FAT3: variants seen among roughly 807,000 people sequenced by gnomAD.
FAT3 encodes FAT atypical cadherin 3.
A neutral mutation model predicts 310.2 loss-of-function variants in FAT3; 95 were observed. The observed-to-expected ratio is 0.31, with a 90% CI of 0.26 to 0.36. FAT3 has a LOEUF of 0.36. FAT3 is among the 10% of genes least tolerant of loss of function. FAT3 has a pLI of 1.00. For missense variants in FAT3, 5,408 were observed against 5,715.6 expected (o/e 0.95, Z 1.74); for synonymous variants, 2,314 against 2,192.9 (o/e 1.06, Z -1.54).
intron 2 of FAT3, among the ~76,000 whole-genome samples, chr11:92,506,764 C>T (rs1167670574): frequency 6.6e-6 from 1 of 152,142 alleles, no homozygotes; most frequent in African/African-American, 2.4e-5. Flanking sequence ...AACTGCATAT[C>T]AATTTGTTTG....
intron 3 of FAT3, among the ~76,000 whole-genome samples, chr11:92,637,360 AAG>A (rs892639999): frequency 2.0e-5 from 3 of 152,178 alleles, no homozygotes; most frequent in Non-Finnish European, 4.4e-5. Flanking sequence ...GATGGCTCAA[AAG>A]AGAGAATGGC....
chr11:92,640,032 A>T (rs758775868), intron 3 of FAT3, among the ~76,000 whole-genome samples: 13 of 151,982 alleles, frequency 8.6e-5, no homozygotes, highest in Non-Finnish European at 1.0e-4. Flanking sequence ...GCCAGACCCT[A>T]CTTATCATTT....
intron 2 of FAT3, among the ~76,000 whole-genome samples, chr11:92,506,313 A>G (rs1953098361): frequency 6.6e-6 from 1 of 152,074 alleles, no homozygotes; most frequent in Admixed American, 6.6e-5. Flanking sequence ...TCCTTTCTGG[A>G]CGCCTTTCCT....
At chr11:92,258,671 A>C (rs1295237739) in intron 1 of FAT3, among the ~76,000 whole-genome samples, 1 of 152,070 alleles carries the variant, frequency 6.6e-6, no homozygotes, top group African/African-American at 2.4e-5. Context: ...GCAGTTGTGC[A>C]TCCCTAAAAA....
At chr11:92,668,111 C>T (rs1007251537) in intron 3 of FAT3, among the ~76,000 whole-genome samples, 4 of 152,276 alleles carry the variant, frequency 2.6e-5, no homozygotes, top group African/African-American at 9.6e-5. Context: ...GGGAGCAGAG[C>T]GTGTCTTTAT....
At chr11:92,530,638 A>G (rs1954035711) in intron 3 of FAT3, among the ~76,000 whole-genome samples, 1 of 152,218 alleles carries the variant, frequency 6.6e-6, no homozygotes, top group Admixed American at 6.5e-5. Context: ...ATTATTTCCA[A>G]ATAGGTAGAA....
intron 2 of FAT3, among the ~76,000 whole-genome samples, chr11:92,423,696 G>GA: frequency 6.6e-6 from 1 of 152,094 alleles, no homozygotes; most frequent in Non-Finnish European, 1.5e-5. Context: ...GTGGGGAGGG[G>GA]GATTTAATTT....
At chr11:92,770,213 G>A (rs771558273) in intron 6 of FAT3, among the ~76,000 whole-genome samples, 1 of 152,106 alleles carries the variant, frequency 6.6e-6, no homozygotes, top group Non-Finnish European at 1.5e-5. Flanking sequence ...CAACAGTCTG[G>A]TCCATAGGAG....
intron 3 of FAT3, among the ~76,000 whole-genome samples, chr11:92,671,821 T>C (rs923139378): frequency 1.3e-5 from 2 of 152,158 alleles, no homozygotes; most frequent in African/African-American, 4.8e-5. Context: ...AATGAATGAA[T>C]GTGGCTGGGT....
Position 92,844,127 on chromosome 11 carries a change from C to T in FAT3, c.10760C>T (p.Ala3587Val), listed in dbSNP as rs769330197. 4.3e-6 allele frequency: 7 copies of T among 1,614,002 alleles called. No individual in the cohort carries two copies. The highest frequency in any genetic ancestry group is 5.1e-6 in the Non-Finnish European group (6 of 1,179,906). ...GACATGTATGATGTGCTCACATTTG[C>T]CCTGAAATCGGAGCAGAAAAGCTTA... ...DQDMYDVLTFALKSEQKSLFK... is the reference protein window; with the variant it reads ...DQDMYDVLTFVLKSEQKSLFK... Residue 3587 changes from alanine to valine, a missense_variant, in exon 19 of 28, where the codon GCC becomes GTC. Transcript: ENST00000525166.
At chr11:92,242,951 AT>A (rs976685149) in intron 1 of FAT3, among the ~76,000 whole-genome samples, 22 of 152,106 alleles carry the variant, frequency 1.4e-4, no homozygotes, top group African/African-American at 5.3e-4. Flanking sequence ...AGGGAAAAAA[AT>A]GTGTACTTTT....
intron 1 of FAT3, among the ~76,000 whole-genome samples, chr11:92,240,003 A>T (rs1187173906): frequency 2.0e-5 from 3 of 152,130 alleles, no homozygotes; most frequent in Non-Finnish European, 4.4e-5. Flanking sequence ...TATCAGAATC[A>T]CTAAGGTAAG....
intron 1 of FAT3, among the ~76,000 whole-genome samples, chr11:92,249,376 C>G (rs1344891867): frequency 6.6e-6 from 1 of 152,104 alleles, no homozygotes; most frequent in Non-Finnish European, 1.5e-5. Flanking sequence ...AAATATGTCT[C>G]TCACTCATCA....
intron 2 of FAT3, among the ~76,000 whole-genome samples, chr11:92,427,667 A>G (rs376828137): frequency 1.1e-4 from 17 of 152,158 alleles, no homozygotes; most frequent in African/African-American, 4.1e-4. Context: ...GTGATAGCTT[A>G]TGTTTATTGA....
intron 2 of FAT3, among the ~76,000 whole-genome samples, chr11:92,388,030 T>G (rs2134796716): frequency 6.6e-6 from 1 of 152,260 alleles, no homozygotes; most frequent in African/African-American, 2.4e-5. Flanking sequence ...TAATTTCCAT[T>G]TTGGGGCTTT....
intron 2 of FAT3, among the ~76,000 whole-genome samples, chr11:92,450,693 A>C (rs1194997184): frequency 6.6e-6 from 1 of 152,160 alleles, no homozygotes; most frequent in Non-Finnish European, 1.5e-5. Context: ...TGAAATCCCT[A>C]AGTCTGTTTA....
At chr11:92,811,634 A>T (rs1400289559) in intron 13 of FAT3, among the ~76,000 whole-genome samples, 1 of 152,148 alleles carries the variant, frequency 6.6e-6, no homozygotes, top group Non-Finnish European at 1.5e-5. Context: ...GGCATTTAAC[A>T]GGGCAGAGAT....
chr11:92,412,402 A>ATTATTTT lies in FAT3; in HGVS notation c.3292+57000_3292+57001insATTTTTT, dbSNP rs1555038320. On this transcript the variant is annotated intron_variant, in intron 2 of 27. Transcript: ENST00000525166. ...AGGCATGAGCCACCAGACCCGGCCT[A>ATTATTTT]TTTTTTTTTTTTTTTTTTTGAGAGT... is the stretch of plus-strand genomic sequence containing the variant. Among the ~76,000 whole-genome samples the ATTATTTT allele has an allele frequency of 3.6e-4, 36 of 101,142 alleles. 1 individual carries two copies. Among genetic ancestry groups the ATTATTTT allele is most frequent in the Middle Eastern group, 0.014 (2 of 138 alleles). The allele number at this position is 101,142 out of a possible 152,430, so 66.4% of individuals were successfully genotyped here. A position where few individuals can be genotyped will look rare whatever the true frequency, so the allele number is the denominator to read the frequency against.
chr11:92,430,029 TG>T, intron 2 of FAT3, among the ~76,000 whole-genome samples: 1 of 152,362 alleles, frequency 6.6e-6, no homozygotes, highest in South Asian at 2.1e-4. Context: ...AAGGTAGGTT[TG>T]GTCTTTTCAC....
Sources: allele counts gnomAD v4.1 joint callset (sites outside exome capture counted in the v4.1 genomes callset), GRCh38; gene constraint gnomAD v4.1.1; transcripts MANE v1.5; gene names NCBI Gene and HGNC (gene_info 2026-07-23, HGNC 2026-07-21).